SLC8A3: variants seen among roughly 807,000 people sequenced by gnomAD.
SLC8A3 encodes the protein sodium/calcium exchanger 3.
SLC8A3 carries 37 observed loss-of-function variants against 65.4 expected under a neutral mutation model. That is an observed-to-expected ratio of 0.57 (90% confidence interval 0.44 to 0.74). The LOEUF (loss-of-function observed/expected upper bound fraction) is 0.74, where lower values mean the gene tolerates loss of function less well. Among genes scored for constraint, SLC8A3 ranks in the 30% least tolerant of loss-of-function variants. SLC8A3 has a pLI of 0.00. For missense variants in SLC8A3, 1,112 were observed against 1,172.1 expected (o/e 0.95, Z 0.75); for synonymous variants, 461 against 444.5 (o/e 1.04, Z -0.47).
chr14:70,140,112 C>A (rs17107811), intron 2 of SLC8A3, among the ~76,000 whole-genome samples: 5,810 of 152,128 alleles, frequency 0.038, 366 homozygotes, highest in African/African-American at 0.13. Flanking sequence ...AATGGAAGGG[C>A]AGAATAATTT....
intron 3 of SLC8A3, among the ~76,000 whole-genome samples, chr14:70,054,415 TC>T (rs1294822743): frequency 6.6e-6 from 1 of 152,166 alleles, no homozygotes; most frequent in East Asian, 1.9e-4. Flanking sequence ...AAGAAACATT[TC>T]CTTTTTCCCA....
chr14:70,167,430 G>A lies in SLC8A3; in HGVS notation c.993C>T (p.Asp331=), dbSNP rs762687634. Residue 331 remains aspartate (D), a synonymous_variant, in exon 2 of 7, where the codon GAC becomes GAT. Coordinates refer to ENST00000356921, the MANE Select transcript of SLC8A3 (RefSeq NM_182932.3). ...KDLKQKHPEK[D]LDQLVEMANY... ...TGGCCATCTCCACCAGCTGATCTAA[G>A]TCCTTCTCTGGGTGTTTTTGCTTCA... is the stretch of plus-strand genomic sequence containing the variant. 20 of 1,614,032 alleles carry A rather than the reference G, an allele frequency of 1.2e-5. No homozygotes were observed. The Admixed American group carries it at 2.8e-4, about 23-fold the overall frequency.
chr14:70,152,879 T>G (rs373323803), intron 2 of SLC8A3, among the ~76,000 whole-genome samples: 1 of 152,148 alleles, frequency 6.6e-6, no homozygotes, highest in African/African-American at 2.4e-5. Flanking sequence ...AAGGCCCAGA[T>G]AGGACATAAT....
intron 2 of SLC8A3, among the ~76,000 whole-genome samples, chr14:70,120,654 C>CAA (rs1267034872): frequency 1.1e-4 from 16 of 152,326 alleles, no homozygotes; most frequent in African/African-American, 3.6e-4. Flanking sequence ...GTCCTGTCCT[C>CAA]CCTCTGCCTT....
intron 1 of SLC8A3, among the ~76,000 whole-genome samples, chr14:70,187,421 C>A (rs1279866135): frequency 6.6e-6 from 1 of 151,942 alleles, no homozygotes; most frequent in Non-Finnish European, 1.5e-5. Flanking sequence ...TAACCCCACC[C>A]CGCCACCACC....
intron 2 of SLC8A3, among the ~76,000 whole-genome samples, chr14:70,066,825 C>A (rs563115451): frequency 3.9e-5 from 6 of 152,224 alleles, no homozygotes; most frequent in African/African-American, 1.4e-4. Flanking sequence ...CAAAACAAAA[C>A]AAACAACAAC....
chr14:70,121,878 T>C (rs1894084928), intron 2 of SLC8A3, among the ~76,000 whole-genome samples: 1 of 152,206 alleles, frequency 6.6e-6, no homozygotes, highest in Non-Finnish European at 1.5e-5. Context: ...CTCCTTTGAT[T>C]CCTGCAGGGG....
rs545103492 is a variant in SLC8A3, at chr14:70,044,364, T to C, written c.*1583A>G. The C allele has an allele frequency of 6.9e-6, 1 of 145,124 alleles. No homozygotes were observed. Among genetic ancestry groups the C allele is most frequent in the East Asian group, 2.0e-4 (1 of 5,128 alleles). The allele number at this position is 145,124 out of a possible 1,614,324, so 9.0% of individuals were successfully genotyped here. On this transcript the variant is annotated 3_prime_UTR_variant, in exon 7 of 7. Coordinates refer to ENST00000356921, the MANE Select transcript of SLC8A3 (RefSeq NM_182932.3). ...AAAATGTGTTTAAAATTAACAGGTG[T>C]TTTTTAATTTCTTCCCCCCCCCCCT...
intron 2 of SLC8A3, among the ~76,000 whole-genome samples, chr14:70,067,706 C>A (rs186108362): frequency 1.3e-5 from 2 of 152,346 alleles, no homozygotes; most frequent in Non-Finnish European, 2.9e-5. Flanking sequence ...AAAGAAGCTG[C>A]AGACCCAGTA....
chr14:70,058,768 T>G (rs1888443171), intron 3 of SLC8A3, among the ~76,000 whole-genome samples: 1 of 152,208 alleles, frequency 6.6e-6, no homozygotes, highest in Non-Finnish European at 1.5e-5. Context: ...TGTATGGACT[T>G]CCAATCTCTT....
intron 3 of SLC8A3, chr14:70,059,519 A>C (rs1888531945): frequency 1.3e-5 from 2 of 152,122 alleles, no homozygotes; most frequent in Admixed American, 1.3e-4. Flanking sequence ...CCTCCAAATG[A>C]TTGGAAGCCA....
chr14:70,131,624 A>C (rs1894834631), intron 2 of SLC8A3, among the ~76,000 whole-genome samples: 1 of 152,250 alleles, frequency 6.6e-6, no homozygotes, highest in South Asian at 2.1e-4. Flanking sequence ...GTATAATTCA[A>C]GTGCTCCTGA....
At chr14:70,161,138 T>C (rs1594783094) in intron 2 of SLC8A3, among the ~76,000 whole-genome samples, 1 of 144,566 alleles carries the variant, frequency 6.9e-6, no homozygotes, top group Non-Finnish European at 1.5e-5. Flanking sequence ...TATATATAAA[T>C]ATAAATATAT....
chr14:70,173,723 G>C (rs1259122037), intron 1 of SLC8A3, among the ~76,000 whole-genome samples: 1 of 152,154 alleles, frequency 6.6e-6, no homozygotes, highest in East Asian at 1.9e-4. Flanking sequence ...GGCTGCACTG[G>C]CTCCGTTGTG....
intron 3 of SLC8A3, chr14:70,055,773 G>T (rs779419750): frequency 1.2e-6 from 2 of 1,600,612 alleles, no homozygotes; most frequent in Non-Finnish European, 1.7e-6. Context: ...GGAAAGAAAA[G>T]AGGGGGACAA....
At chr14:70,109,684 A>T (rs1399416766) in intron 2 of SLC8A3, among the ~76,000 whole-genome samples, 4 of 152,040 alleles carry the variant, frequency 2.6e-5, no homozygotes, top group Non-Finnish European at 5.9e-5. Context: ...GAAAAGTCCT[A>T]ACCTGAGGTG....
intron 2 of SLC8A3, among the ~76,000 whole-genome samples, chr14:70,069,235 C>T (rs1889771738): frequency 6.6e-6 from 1 of 152,134 alleles, no homozygotes; most frequent in Non-Finnish European, 1.5e-5. Flanking sequence ...CACTGAAATC[C>T]CAGCAGCACA....
At chr14:70,062,933 C>T (rs1233449566) in intron 2 of SLC8A3, among the ~76,000 whole-genome samples, 2 of 152,166 alleles carry the variant, frequency 1.3e-5, no homozygotes, top group Non-Finnish European at 2.9e-5. Flanking sequence ...GGGGAAGGAA[C>T]ATTGCCCTCA....
intron 2 of SLC8A3, among the ~76,000 whole-genome samples, chr14:70,127,060 T>C (rs1122708): frequency 0.11 from 15,965 of 151,872 alleles, 1,103 homozygotes; most frequent in Non-Finnish European, 0.16. Context: ...TGTGAAGTAA[T>C]AAAAAACACC....
Sources: allele counts gnomAD v4.1 joint callset (sites outside exome capture counted in the v4.1 genomes callset), GRCh38; gene constraint gnomAD v4.1.1; transcripts MANE v1.5; gene names NCBI Gene and HGNC (gene_info 2026-07-23, HGNC 2026-07-21).